Variants in KIF26B observed in about 807,000 individuals in gnomAD.
KIF26B encodes kinesin-like protein KIF26B.
Under a neutral mutation model 151.2 loss-of-function variants are expected in KIF26B, and 63 were observed. That is an observed-to-expected ratio of 0.42 (90% CI 0.34 to 0.51). The LOEUF is 0.51. Among genes scored for constraint, KIF26B ranks in the 20% least tolerant of loss-of-function variants. The pLI is 0.07. For synonymous variants in KIF26B, 1,357 were observed against 1,262.1 expected, an observed-to-expected ratio of 1.08 and a Z score of -1.59; for missense variants, 2,813 against 2,913.6, an observed-to-expected ratio of 0.97 and a Z score of 0.79.
intron 2 of KIF26B, among the ~76,000 whole-genome samples, chr1:245,299,059 G>A (rs1671383441): frequency 6.6e-6 from 1 of 152,198 alleles, no homozygotes; most frequent in African/African-American, 2.4e-5. Context: ...CTGTGATTTT[G>A]GATTGATTAC....
intron 2 of KIF26B, among the ~76,000 whole-genome samples, chr1:245,342,369 A>G (rs1220512294): frequency 1.3e-5 from 2 of 152,186 alleles, no homozygotes; most frequent in Non-Finnish European, 2.9e-5. Context: ...GTGTTTTTAT[A>G]TAAATTCACT....
At chr1:245,199,478 A>G (rs1437745803) in intron 2 of KIF26B, among the ~76,000 whole-genome samples, 1 of 148,152 alleles carries the variant, frequency 6.7e-6, no homozygotes, top group Admixed American at 6.7e-5. Flanking sequence ...ATATATCCAC[A>G]TATCTTTGGT....
intron 2 of KIF26B, among the ~76,000 whole-genome samples, chr1:245,187,850 G>A (rs1189103005): frequency 6.6e-6 from 1 of 152,144 alleles, no homozygotes; most frequent in Admixed American, 6.6e-5. Context: ...ACAGGCAAAG[G>A]ATGTGGAATT....
chr1:245,636,361 TG>T (rs1173401011), intron 9 of KIF26B, among the ~76,000 whole-genome samples: 13 of 147,172 alleles, frequency 8.8e-5, no homozygotes, highest in East Asian at 4.0e-4. Context: ...TTTTTTTTTT[TG>T]ACTCTAACAA....
At chr1:245,387,886 T>G (rs1353059235) in intron 3 of KIF26B, among the ~76,000 whole-genome samples, 1 of 152,042 alleles carries the variant, frequency 6.6e-6, no homozygotes, top group African/African-American at 2.4e-5. Flanking sequence ...CTCATCCACT[T>G]CCCCCAACCT....
In KIF26B at chr1:245,540,543, C is replaced by G. The variant is rs771746599; in HGVS notation, c.1167-224C>G. The G allele has an allele frequency of 2.9e-6, 2 of 699,122 alleles. No individual in the cohort carries two copies. The highest frequency in any genetic ancestry group is 5.2e-6 in the Non-Finnish European group (2 of 382,096). The allele number at this position is 699,122 out of a possible 1,614,324, so 43.3% of individuals were successfully genotyped here. The stretch of plus-strand genomic sequence containing the variant: ...TGTAAATCGTGATTGCAGAATCCTG[C>G]TATTTTATGGCTTTGTTTTTCCTTT... On this transcript the variant is annotated intron_variant, in intron 4 of 14. Coordinates refer to ENST00000407071, the MANE Select transcript of KIF26B (RefSeq NM_018012.4). This position sits in a 1 kb window ranked among gnomAD's most constrained non-coding sequence, Gnocchi z 4.6.
intron 12 of KIF26B, among the ~76,000 whole-genome samples, chr1:245,689,639 C>T (rs999079388): frequency 6.6e-6 from 1 of 152,178 alleles, no homozygotes; most frequent in African/African-American, 2.4e-5. Context: ...CAAACTGCAA[C>T]CTCTGCTTCC....
At chr1:245,623,359 G>C (rs1439005436) in intron 9 of KIF26B, among the ~76,000 whole-genome samples, 1 of 152,030 alleles carries the variant, frequency 6.6e-6, no homozygotes, top group African/African-American at 2.4e-5. Flanking sequence ...CTCGTGTGTG[G>C]CTTCTTTCAC....
intron 4 of KIF26B, among the ~76,000 whole-genome samples, chr1:245,519,711 G>A (rs1661046171): frequency 6.6e-6 from 1 of 152,160 alleles, no homozygotes; most frequent in Non-Finnish European, 1.5e-5. Context: ...TACACACCTA[G>A]GCTAGAGGGT....
Position 245,692,335 on chromosome 1 carries a change from C to T in KIF26B, c.5824+3528C>T, listed in dbSNP as rs1260248065. 2.6e-5 allele frequency among the ~76,000 whole-genome samples: 4 copies of T among 152,026 alleles called. No homozygotes were observed. In the East Asian group the frequency reaches 7.7e-4, roughly 29 times the overall value. On this transcript the variant is annotated intron_variant, in intron 12 of 14. Coordinates refer to ENST00000407071, the MANE Select transcript of KIF26B (RefSeq NM_018012.4). ...AGAGAACAGTGAACTGAGTGCATTCCCAGATGCTGAGTGGGGTAGTGAAGG... is the reference window on the plus strand; with the variant it reads ...AGAGAACAGTGAACTGAGTGCATTCTCAGATGCTGAGTGGGGTAGTGAAGG...
At chr1:245,660,083 A>AT (rs757761796) in intron 10 of KIF26B, among the ~76,000 whole-genome samples, 20 of 151,750 alleles carry the variant, frequency 1.3e-4, no homozygotes, top group Admixed American at 5.9e-4. Flanking sequence ...AGCTGTGAAT[A>AT]TTTTTTCTAT....
At chr1:245,314,320 T>C (rs906739869) in intron 2 of KIF26B, among the ~76,000 whole-genome samples, 8 of 151,782 alleles carry the variant, frequency 5.3e-5, no homozygotes, top group African/African-American at 1.9e-4. Context: ...GGCGTGGTGG[T>C]GGGCGCCTGG....
chr1:245,664,719 T>C (rs1213073108), intron 10 of KIF26B, among the ~76,000 whole-genome samples: 1 of 152,324 alleles, frequency 6.6e-6, no homozygotes, highest in East Asian at 1.9e-4. Context: ...ATCTGGACAT[T>C]AAAAAATAAG....
chr1:245,188,302 AG>A (rs1669036702), intron 2 of KIF26B, among the ~76,000 whole-genome samples: 2 of 148,762 alleles, frequency 1.3e-5, no homozygotes, highest in Admixed American at 6.7e-5. Context: ...AAAAAAAAAA[AG>A]AGGCAAATTC....
At position 245,563,651 on chromosome 1, in the gene KIF26B, A is replaced by G. The variant is rs765819900; in HGVS notation, c.1350+22701A>G. Among the ~76,000 whole-genome samples, 12 of 152,166 alleles carry G rather than the reference A, an allele frequency of 7.9e-5. No homozygotes were observed. Among genetic ancestry groups the G allele is most frequent in the Non-Finnish European group, 1.6e-4 (11 of 68,032 alleles). On this transcript the variant is annotated intron_variant, in intron 5 of 14. Transcript: ENST00000407071. The surrounding 1 kb of genome is among the most constrained non-coding windows in gnomAD (Gnocchi z 4.6). ...GGGGCTGCTTGAGACTGTGGGAACG[A>G]TGTTTTCGTTAAGAATGGACTGCCT... is the stretch of plus-strand genomic sequence containing the variant.
chr1:245,629,356 G>T (rs138396991), intron 9 of KIF26B, among the ~76,000 whole-genome samples: 1,822 of 152,162 alleles, frequency 0.012, 34 homozygotes, highest in African/African-American at 0.041. Context: ...ATACTACAAG[G>T]CTACAGTAAC....
chr1:245,439,107 G>C (rs894804448), intron 4 of KIF26B, among the ~76,000 whole-genome samples: 1 of 152,122 alleles, frequency 6.6e-6, no homozygotes, highest in African/African-American at 2.4e-5. Flanking sequence ...CAGAACTTTG[G>C]CAGGCCGAGG....
At chr1:245,316,913 G>A (rs1407199629) in intron 2 of KIF26B, among the ~76,000 whole-genome samples, 1 of 152,150 alleles carries the variant, frequency 6.6e-6, no homozygotes, top group Admixed American at 6.5e-5. Context: ...TAAGAGTCCT[G>A]GCGCCTGGGC....
chr1:245,370,507 T>C lies in KIF26B; in HGVS notation c.999+3140T>C, dbSNP rs543338541. Reference sequence around the variant, plus strand: ...ACATCCTTTTACCCAGGCCATAGTTTCAACACATGCCTGGCTTGTGTGAGC... The same window carrying C: ...ACATCCTTTTACCCAGGCCATAGTTCCAACACATGCCTGGCTTGTGTGAGC... On this transcript the variant is annotated intron_variant, in intron 3 of 14. Coordinates refer to ENST00000407071, the MANE Select transcript of KIF26B (RefSeq NM_018012.4). 1.2e-5 allele frequency: 5 copies of C among 427,302 alleles called. No homozygotes were observed. The East Asian group carries it at 3.6e-4, about 31-fold the overall frequency. The allele number at this position is 427,302 out of a possible 1,614,324, so 26.5% of individuals were successfully genotyped here. A position where few individuals can be genotyped will look rare whatever the true frequency, so the allele number is the denominator to read the frequency against.
Sources: gnomAD v4.1 joint callset for allele counts (sites outside exome capture counted in the v4.1 genomes callset) on GRCh38, gnomAD v4.1.1 for gene constraint, Gnocchi (gnomAD v3.1) non-coding constraint, MANE v1.5 for transcripts, NCBI Gene and HGNC (gene_info 2026-07-23, HGNC 2026-07-21) for gene names.